The following TNFRSF21 variants were observed in gnomAD, a reference collection of about 807,000 sequenced individuals.
TNFRSF21 encodes the protein tumor necrosis factor receptor superfamily member 21.
A neutral mutation model predicts 45.6 loss-of-function variants in TNFRSF21; 19 were observed. That is an observed-to-expected ratio of 0.42 (90% confidence interval 0.29 to 0.61). The LOEUF is 0.61. Ranked by LOEUF, TNFRSF21 falls within the 20% of genes least tolerant of loss-of-function variation. The probability of loss-of-function intolerance (pLI) is 0.23; values close to 1 mark genes in which losing one functional copy is unlikely to be tolerated. For synonymous variants in TNFRSF21, 314 were observed against 335.5 expected (o/e 0.94, Z 0.70); for missense variants, 737 against 851.5 (o/e 0.87, Z 1.67).
rs16875827 is a variant in TNFRSF21, at chr6:47,257,987, A to G, written c.1244-4466T>C. 2.8e-3 allele frequency among the ~76,000 whole-genome samples: 423 copies of G among 152,310 alleles called. 6 individuals carry two copies. The highest frequency in any genetic ancestry group is 0.01 in the African/African-American group (417 of 41,568). ...TTTGCTGGAATTATTCTCCTCAGGC[A>G]TGGCCATCCAGCCTAGGATGAACGC... On this transcript the variant is annotated intron_variant, in intron 3 of 5. Transcript: ENST00000296861.
At chr6:47,234,165 T>C (rs1319740244) in intron 5 of TNFRSF21, among the ~76,000 whole-genome samples, 1 of 152,002 alleles carries the variant, frequency 6.6e-6, no homozygotes, top group Non-Finnish European at 1.5e-5. Flanking sequence ...TTAGTAGAGA[T>C]GGGGTTTCAC....
intron 3 of TNFRSF21, among the ~76,000 whole-genome samples, chr6:47,268,306 T>C (rs1171217160): frequency 6.6e-6 from 1 of 152,184 alleles, no homozygotes; most frequent in Non-Finnish European, 1.5e-5. Flanking sequence ...GCCTGGAACA[T>C]CATAAGCATT....
chr6:47,284,346 T>C lies in TNFRSF21; in HGVS notation c.835A>G (p.Thr279Ala), dbSNP rs1382264203. ...TCTTCCTTCCCCCTTGCTGAGCTTG[T>C]GTTGTCAGGGACTGTCCCTTCCTGG... ...SIQEGTVPDN[T>A]SSARGKEDVN... The change falls in exon 3 of 6, where the codon ACA becomes GCA. Residue 279 changes from threonine (T) to alanine (A), a missense_variant. Physicochemically the swap from Thr to Ala is moderately conservative, Grantham distance 58. Transcript: ENST00000296861. The C allele has an allele frequency of 6.3e-7, 1 of 1,585,382 alleles. No individual in the cohort carries two copies. Among genetic ancestry groups the C allele is most frequent in the Non-Finnish European group, 8.6e-7 (1 of 1,166,888 alleles).
chr6:47,245,675 T>C (rs1233633229), intron 4 of TNFRSF21, among the ~76,000 whole-genome samples: 2 of 151,514 alleles, frequency 1.3e-5, no homozygotes, highest in Admixed American at 1.3e-4. Context: ...TTCTCAGTAA[T>C]ACATAATGAC....
chr6:47,300,888 A>G (rs1040772384), intron 1 of TNFRSF21, among the ~76,000 whole-genome samples: 1 of 152,244 alleles, frequency 6.6e-6, no homozygotes, highest in African/African-American at 2.4e-5. Context: ...GATGCCCCAT[A>G]AATTTTATTA....
intron 4 of TNFRSF21, among the ~76,000 whole-genome samples, chr6:47,249,041 G>A (rs756367710): frequency 3.3e-5 from 5 of 152,186 alleles, no homozygotes; most frequent in Admixed American, 6.5e-5. Flanking sequence ...TATGTTGCCA[G>A]GACAGGGATT....
chr6:47,276,580 GT>G (rs754617247), intron 3 of TNFRSF21, among the ~76,000 whole-genome samples: 1 of 152,200 alleles, frequency 6.6e-6, no homozygotes, highest in Non-Finnish European at 1.5e-5. Context: ...CAAACCACCT[GT>G]TCTTGCAAAT....
intron 3 of TNFRSF21, among the ~76,000 whole-genome samples, chr6:47,274,552 C>T (rs1762469348): frequency 6.6e-6 from 1 of 152,162 alleles, no homozygotes; most frequent in Non-Finnish European, 1.5e-5. Flanking sequence ...AAAACCTAGG[C>T]AATACCATTC....
chr6:47,281,506 G>A (rs746120513), intron 3 of TNFRSF21, among the ~76,000 whole-genome samples: 5 of 151,742 alleles, frequency 3.3e-5, no homozygotes, highest in Non-Finnish European at 5.9e-5. Flanking sequence ...CTAGCCTCCC[G>A]AAAAACTGGG....
rs78565049 is a variant in TNFRSF21, at chr6:47,294,505, C to T, written c.97-7910G>A. 8.5e-3 allele frequency among the ~76,000 whole-genome samples: 1,297 copies of T among 152,284 alleles called. 22 individuals carry two copies. The highest frequency in any genetic ancestry group is 0.029 in the African/African-American group (1,222 of 41,554). ...CCTCCACAATGTAGCCACAATAACT[C>T]AAGAGATAAAGCAGTCTGGCCTTAT... On this transcript the variant is annotated intron_variant, in intron 1 of 5. Coordinates refer to ENST00000296861, the MANE Select transcript of TNFRSF21 (RefSeq NM_014452.5).
intron 4 of TNFRSF21, among the ~76,000 whole-genome samples, chr6:47,249,953 T>TA (rs1217094964): frequency 1.3e-5 from 2 of 151,192 alleles, no homozygotes; most frequent in African/African-American, 4.9e-5. Flanking sequence ...GAGAAAAAAA[T>TA]AAAAAAAGAC....
intron 3 of TNFRSF21, among the ~76,000 whole-genome samples, chr6:47,280,036 T>TATAAA (rs1762546469): frequency 2.6e-5 from 4 of 152,166 alleles, no homozygotes. Context: ...AAACTATAAG[T>TATAAA]CCATGGTAGA....
intron 3 of TNFRSF21, among the ~76,000 whole-genome samples, chr6:47,283,668 G>A (rs957947277): frequency 6.6e-6 from 1 of 152,174 alleles, no homozygotes; most frequent in Non-Finnish European, 1.5e-5. Flanking sequence ...GTCAAACAAA[G>A]TCCCTAGGAG....
chr6:47,242,135 G>T (rs1444518781), intron 4 of TNFRSF21, among the ~76,000 whole-genome samples: 1 of 152,016 alleles, frequency 6.6e-6, no homozygotes, highest in East Asian at 1.9e-4. Context: ...GGGAGCCAAT[G>T]CAGAGCCTGC....
At chr6:47,292,222 A>C (rs920383252) in intron 1 of TNFRSF21, among the ~76,000 whole-genome samples, 1 of 152,184 alleles carries the variant, frequency 6.6e-6, no homozygotes, top group Non-Finnish European at 1.5e-5. Flanking sequence ...CAGTCATTGA[A>C]AAGTGCAAGA....
intron 3 of TNFRSF21, among the ~76,000 whole-genome samples, chr6:47,272,571 C>A (rs1762438626): frequency 6.6e-6 from 1 of 152,126 alleles, no homozygotes; most frequent in Non-Finnish European, 1.5e-5. Flanking sequence ...CAGGAAAGAT[C>A]TAAAATCAAC....
In TNFRSF21 at chr6:47,284,446, T is replaced by A; in HGVS notation, c.749-14A>T. The A allele has an allele frequency of 6.6e-7, 1 of 1,507,554 alleles. No homozygotes were observed. Among genetic ancestry groups the A allele is most frequent in the Non-Finnish European group, 8.8e-7 (1 of 1,129,990 alleles). The allele number at this position is 1,507,554 out of a possible 1,614,324, so 93.4% of individuals were successfully genotyped here. A position where few individuals can be genotyped will look rare whatever the true frequency, so the allele number is the denominator to read the frequency against. On this transcript the variant is annotated splice_polypyrimidine_tract_variant and intron_variant, in intron 2 of 5. Transcript: ENST00000296861. ...TTGAGTTCATGCCTAGAAAAAAGAG[T>A]AAGGAGGGGGGAAGAGCTTTTCCAT... is the stretch of plus-strand genomic sequence containing the variant.
chr6:47,258,536 G>T (rs1389728275), intron 3 of TNFRSF21, among the ~76,000 whole-genome samples: 8 of 151,650 alleles, frequency 5.3e-5, no homozygotes, highest in Admixed American at 1.3e-4. Flanking sequence ...CTGCCTCCTA[G>T]GTTCAAGAGA....
chr6:47,289,715 C>A (rs370942457), intron 1 of TNFRSF21, among the ~76,000 whole-genome samples: 1 of 152,130 alleles, frequency 6.6e-6, no homozygotes, highest in Non-Finnish European at 1.5e-5. Context: ...GAATACCAGC[C>A]GGGCACGGTG....
Sources: allele counts gnomAD v4.1 joint callset (sites outside exome capture counted in the v4.1 genomes callset), GRCh38; gene constraint gnomAD v4.1.1; transcripts MANE v1.5; gene names NCBI Gene and HGNC (gene_info 2026-07-23, HGNC 2026-07-21).